Variants in POU2F2 observed in about 807,000 individuals in gnomAD.
POU2F2 encodes the protein POU domain, class 2, transcription factor 2.
In POU2F2, 14 loss-of-function variants were observed where a neutral mutation model predicts 63.5. The ratio of observed to expected loss-of-function variants is 0.22; its 90% CI spans 0.15 to 0.34. POU2F2 has a LOEUF of 0.34. Among genes scored for constraint, POU2F2 ranks in the 10% least tolerant of loss-of-function variants. POU2F2 has a pLI of 1.00. For missense variants in POU2F2, 607 were observed against 815.2 expected (o/e 0.74, Z 3.11); for synonymous variants, 306 against 348.6 (o/e 0.88, Z 1.36).
chr19:42,102,581 AC>A (rs1382983452), intron 5 of POU2F2, among the ~76,000 whole-genome samples: 3 of 151,026 alleles, frequency 2.0e-5, no homozygotes, highest in African/African-American at 7.3e-5. Flanking sequence ...ACATAGTGAG[AC>A]CCCCATCTCA....
At chr19:42,099,497 T>C (rs1178393796) in intron 7 of POU2F2, 30 bp downstream of exon 7, 3 of 1,560,072 alleles carry the variant, frequency 1.9e-6, no homozygotes, top group Non-Finnish European at 2.7e-6. Context: ...GCTGCTGGCC[T>C]GGCCTGGTGC....
At chr19:42,128,250 G>GC (rs1301032021) in intron 1 of POU2F2, among the ~76,000 whole-genome samples, 1 of 151,976 alleles carries the variant, frequency 6.6e-6, no homozygotes, top group African/African-American at 2.4e-5. Context: ...ACTGACCAGG[G>GC]CCCAATCCTG....
chr19:42,193,079 AGCCGGGCG>A (rs907277110), intron 1 of POU2F2, among the ~76,000 whole-genome samples: 1 of 151,444 alleles, frequency 6.6e-6, no homozygotes, highest in African/African-American at 2.4e-5. Flanking sequence ...AAAAAAAAAT[AGCCGGGCG>A]TGGTGGTGGG....
chr19:42,092,222 G>T lies in POU2F2; in HGVS notation c.1313C>A (p.Ala438Asp). 6.4e-7 allele frequency: 1 copy of T among 1,568,764 alleles called. No individual in the cohort carries two copies. The highest frequency in any genetic ancestry group is 8.6e-7 in the Non-Finnish European group (1 of 1,156,954). Reference protein sequence around the residue: ...AVGTLHPSRTAGGGGGGGGAA... With the variant: ...AVGTLHPSRTDGGGGGGGGAA... ...CCCGCCCCCGCCCCCACCCCCTCCA[G>T]CTGTCCGGCTGGGGTGGAGCGTCCC... The change falls in exon 13 of 15, where the codon GCT (alanine) becomes GAT (aspartate). Residue 438 changes from alanine (A) to aspartate (D), a missense_variant. Transcript: ENST00000692977. The surrounding 1 kb of genome is among the most constrained non-coding windows in gnomAD (Gnocchi z 5.0).
Position 42,095,538 on chromosome 19 carries a change from G to C in POU2F2, c.1020+7C>G. 1 of 1,600,432 alleles carries C rather than the reference G, an allele frequency of 6.2e-7. No homozygotes were observed. The highest frequency in any genetic ancestry group is 1.1e-5 in the South Asian group (1 of 90,002). ...GGTGAGGGCCACCCAGGAGAGGGGG[G>C]CCTCACCGCTAGAAAACTCTTCTCT... is the stretch of plus-strand genomic sequence containing the variant. On this transcript the variant is annotated splice_region_variant and intron_variant, in intron 10 of 14. Coordinates refer to ENST00000692977, the MANE Select transcript of POU2F2 (RefSeq NM_001394376.1). The surrounding 1 kb of genome is among the most constrained non-coding windows in gnomAD (Gnocchi z 7.1).
chr19:42,093,017 T>A (rs1474766277), intron 12 of POU2F2, among the ~76,000 whole-genome samples: 16 of 135,438 alleles, frequency 1.2e-4, no homozygotes, highest in African/African-American at 4.3e-4. Flanking sequence ...ATATTTTTTT[T>A]TTTTTTTTTT....
rs993457810 is a variant in POU2F2, at chr19:42,117,369, G to T, written c.250C>A (p.Gln84Lys). The change falls in exon 5 of 15, where the codon CAG becomes AAG. Residue 84 changes from glutamine (Q) to lysine (K), a missense_variant. Physicochemically the swap from Gln to Lys is moderately conservative, Grantham distance 53. This residue lies in a region of POU2F2 where 224 missense variants were observed against 264.3 expected (regional missense o/e 0.85). Transcript: ENST00000692977. The surrounding 1 kb of genome is among the most constrained non-coding windows in gnomAD (Gnocchi z 4.4). ...WGPGPCLSPP[Q>K]IKAEDPSGDS... is the part of the protein sequence containing the mutation. ...CCACTGGGGTCTTCAGCCTTGATCT[G>T]GGGGGGAGAGAGGCAGGGTCCGGGA... 3 of 1,517,050 alleles carry T rather than the reference G, an allele frequency of 2.0e-6. No homozygotes were observed. The highest frequency in any genetic ancestry group is 2.6e-6 in the Non-Finnish European group (3 of 1,136,768). The allele number at this position is 1,517,050 out of a possible 1,614,324, so 94.0% of individuals were successfully genotyped here. A position where few individuals can be genotyped will look rare whatever the true frequency, so the allele number is the denominator to read the frequency against.
intron 1 of POU2F2, among the ~76,000 whole-genome samples, chr19:42,172,146 G>A (rs1017403746): frequency 3.9e-5 from 6 of 152,096 alleles, no homozygotes; most frequent in Admixed American, 3.9e-4. Context: ...CCTGCCACCA[G>A]TCTGCTTTTC....
In POU2F2 at chr19:42,117,314, G is replaced by A; in HGVS notation, c.305C>T (p.Pro102Leu). 6.6e-7 allele frequency: 1 copy of A among 1,521,456 alleles called. No homozygotes were observed. The highest frequency in any genetic ancestry group is 1.3e-5 in the South Asian group (1 of 75,932). The allele number at this position is 1,521,456 out of a possible 1,614,324, so 94.2% of individuals were successfully genotyped here. A position where few individuals can be genotyped will look rare whatever the true frequency, so the allele number is the denominator to read the frequency against. The change falls in exon 5 of 15, where the codon CCT becomes CTT. Residue 102 changes from proline (P) to leucine (L), a missense_variant. Pro to Leu is a moderately conservative substitution (Grantham distance 98). Around this residue, in one of 7 missense-constraint regions of POU2F2, gnomAD observed 224 missense variants for 264.3 expected, o/e 0.85. Coordinates refer to ENST00000692977, the MANE Select transcript of POU2F2 (RefSeq NM_001394376.1). The surrounding 1 kb of genome is among the most constrained non-coding windows in gnomAD (Gnocchi z 4.4). ...GDSAPAAPLP[P>L]QPAQPHLPQA... is the part of the protein sequence containing the mutation. Reference sequence around the variant, plus strand: ...GGGCAGATGAGGCTGGGCCGGCTGAGGGGGCAGGGGTGCTGCTGGGGCTGA... The same window carrying A: ...GGGCAGATGAGGCTGGGCCGGCTGAAGGGGCAGGGGTGCTGCTGGGGCTGA...
chr19:42,179,269 A>C (rs1212604636), upstream of POU2F2, among the ~76,000 whole-genome samples: 1 of 151,778 alleles, frequency 6.6e-6, no homozygotes, highest in African/African-American at 2.4e-5. Context: ...GAGGAGGGGA[A>C]GAAAGAGAGG....
chr19:42,093,817 G>A lies in POU2F2; in HGVS notation c.1264+12C>T. 6.3e-7 allele frequency: 1 copy of A among 1,597,690 alleles called. No individual in the cohort carries two copies. Among genetic ancestry groups the A allele is most frequent in the Non-Finnish European group, 8.6e-7 (1 of 1,167,634 alleles). On this transcript the variant is annotated intron_variant, in intron 12 of 14. Transcript: ENST00000692977. The stretch of plus-strand genomic sequence containing the variant: ...TCCCAGTCCCCCCTCACCATTTTCT[G>A]CCCTCCCTGACCTGTTGTGCTCAGA...
At chr19:42,151,855 T>G (rs1442098332) in intron 2 of POU2F2, among the ~76,000 whole-genome samples, 1 of 152,080 alleles carries the variant, frequency 6.6e-6, no homozygotes, top group Non-Finnish European at 1.5e-5. Flanking sequence ...CTTAAGCCAG[T>G]GGGCAGGGGA....
At chr19:42,170,938 G>A (rs774796804) in intron 1 of POU2F2, among the ~76,000 whole-genome samples, 3 of 152,244 alleles carry the variant, frequency 2.0e-5, no homozygotes, top group African/African-American at 4.8e-5. Context: ...TCCCCTCCTC[G>A]CTGACCAGCC....
At chr19:42,195,418 C>T (rs1167376921) in intron 1 of POU2F2, among the ~76,000 whole-genome samples, 21 of 149,818 alleles carry the variant, frequency 1.4e-4, no homozygotes, top group Non-Finnish European at 3.0e-4. Context: ...CGGCAAGCTC[C>T]GCCTCCCGGG....
At position 42,091,303 on chromosome 19, in the gene POU2F2, G is replaced by T; in HGVS notation, c.1829C>A (p.Thr610Asn). 2.0e-6 allele frequency: 3 copies of T among 1,534,310 alleles called. No homozygotes were observed. Among genetic ancestry groups the T allele is most frequent in the South Asian group, 1.2e-5 (1 of 83,972 alleles). The change falls in exon 15 of 15, where the codon ACC becomes AAC. Residue 610 changes from threonine to asparagine, a missense_variant. By Grantham distance (65) the Thr-to-Asn change is moderately conservative. Coordinates refer to ENST00000692977, the MANE Select transcript of POU2F2 (RefSeq NM_001394376.1). ...CTCGGGCCCCCCTGGACCTCCAGGG[G>T]TCTGTGCTGCCGTCTCGCTGCAAGT... ...SSTCSETAAQ[T>N]PGGPGGPEAG...
intron 1 of POU2F2, among the ~76,000 whole-genome samples, chr19:42,126,995 C>A (rs1004654997): frequency 6.6e-6 from 1 of 152,182 alleles, no homozygotes; most frequent in African/African-American, 2.4e-5. Flanking sequence ...CGGCTCACTG[C>A]AGCCTCGACC....
intron 5 of POU2F2, among the ~76,000 whole-genome samples, chr19:42,109,603 A>G (rs1187134541): frequency 6.6e-6 from 1 of 152,194 alleles, no homozygotes; most frequent in Non-Finnish European, 1.5e-5. Context: ...CTAATAATGT[A>G]CTGCATATTT....
intron 1 of POU2F2, among the ~76,000 whole-genome samples, chr19:42,181,149 C>G (rs2034955788): frequency 6.6e-6 from 1 of 152,252 alleles, no homozygotes; most frequent in South Asian, 2.1e-4. Context: ...CTTAAGCAAT[C>G]CGCACATGCA....
At chr19:42,148,594 A>G (rs902274978) in intron 2 of POU2F2, among the ~76,000 whole-genome samples, 2 of 152,062 alleles carry the variant, frequency 1.3e-5, no homozygotes, top group Non-Finnish European at 2.9e-5. Flanking sequence ...AGGCTTGGAA[A>G]GGACACCCAG....
Sources: gnomAD v4.1 joint callset for allele counts (sites outside exome capture counted in the v4.1 genomes callset) on GRCh38, gnomAD v4.1.1 for gene constraint, gnomAD v4.1.1 regional missense constraint, Gnocchi (gnomAD v3.1) non-coding constraint, MANE v1.5 for transcripts, NCBI Gene and HGNC (gene_info 2026-07-23, HGNC 2026-07-21) for gene names.